ANKZF1: variants seen among roughly 807,000 people sequenced by gnomAD.
ANKZF1 encodes tRNA endonuclease ANKZF1.
Under a neutral mutation model 86.0 loss-of-function variants are expected in ANKZF1, and 84 were observed. The observed-to-expected ratio is 0.98, with a 90% CI of 0.82 to 1.17. ANKZF1 has a LOEUF of 1.17. Ranked by LOEUF, ANKZF1 falls within the 50% of genes most tolerant of loss-of-function variation. The probability of loss-of-function intolerance (pLI) is 0.00; values close to 1 mark genes in which losing one functional copy is unlikely to be tolerated. For missense variants in ANKZF1, 893 were observed against 918.4 expected, an observed-to-expected ratio of 0.97 and a Z score of 0.36; for synonymous variants, 331 against 354.2, an observed-to-expected ratio of 0.93 and a Z score of 0.74.
chr2:219,232,302 C>G lies in ANKZF1; in HGVS notation c.304C>G (p.Gln102Glu), dbSNP rs1209823499. 7.4e-6 allele frequency: 12 copies of G among 1,614,222 alleles called. No homozygotes were observed. Among genetic ancestry groups the G allele is most frequent in the Non-Finnish European group, 1.0e-5 (12 of 1,180,028 alleles). ...KLDWHRFNLK[Q>E]RLKDKPLLSA... Reference sequence around the variant, plus strand: ...TGACTGGCATCGGTTTAACCTAAAGCAACGTCTCAAGGACAAGCCTCTCCT... The same window carrying G: ...TGACTGGCATCGGTTTAACCTAAAGGAACGTCTCAAGGACAAGCCTCTCCT... The change falls in exon 4 of 14, where the codon CAA becomes GAA. Residue 102 changes from glutamine (Q) to glutamate (E), a missense_variant. Physicochemically the swap from Gln to Glu is conservative, Grantham distance 29 (BLOSUM62 2). Coordinates refer to ENST00000323348, the MANE Select transcript of ANKZF1 (RefSeq NM_018089.3).
At position 219,234,158 on chromosome 2, in the gene ANKZF1, A is replaced by C. The variant is rs747362901; in HGVS notation, c.1074A>C (p.Arg358Ser). 1.2e-5 allele frequency: 19 copies of C among 1,613,688 alleles called. No homozygotes were observed. The highest frequency in any genetic ancestry group is 1.6e-5 in the Non-Finnish European group (19 of 1,179,948). The change falls in exon 9 of 14, where the codon AGA becomes AGC. Residue 358 changes from arginine (R) to serine (S), a missense_variant. By Grantham distance (110) the Arg-to-Ser change is moderately radical. Coordinates refer to ENST00000323348, the MANE Select transcript of ANKZF1 (RefSeq NM_018089.3). ...AAGAAGACCCTCGGGAAGCAGTCAG[A>C]CTGCACTCACCTCAGACACACTGGA... ...VYEEDPREAV[R>S]LHSPQTHWKT...
intron 9 of ANKZF1, 127 bp from the exon 10 acceptor site, chr2:219,234,699 T>C: frequency 7.8e-7 from 1 of 1,282,236 alleles, no homozygotes; most frequent in Non-Finnish European, 1.1e-6. Flanking sequence ...GACTCAGCTC[T>C]TGATGTGCTA....
Position 219,235,825 on chromosome 2 carries a change from C to T in ANKZF1, c.1921C>T (p.Arg641Cys), listed in dbSNP as rs533560027. The T allele has an allele frequency of 3.7e-5, 59 of 1,614,174 alleles. No individual in the cohort carries two copies. In the East Asian group the frequency reaches 1.1e-3, roughly 29 times the overall value. ...GCAGAGGCAGCAGGAGCAGGAGGAG[C>T]GTGAACGAGAAGAGCAGCGGCGATT... is the stretch of plus-strand genomic sequence containing the variant. The part of the protein sequence containing the change: ...QQQRQQEQEE[R>C]EREEQRRFAA... Residue 641 changes from arginine (R) to cysteine (C), a missense_variant, in exon 12 of 14, where the codon CGT becomes TGT. Arg to Cys is a radical substitution (Grantham distance 180). Transcript: ENST00000323348.
rs928268061 is a variant in ANKZF1 at position 219,234,400 on chromosome 2, G to A, written c.1204+112G>A. 3.7e-5 allele frequency: 49 copies of A among 1,335,044 alleles called. No individual in the cohort carries two copies. In the Admixed American group the frequency reaches 7.1e-4, roughly 19 times the overall value. 82.7% of individuals were successfully genotyped at this position (1,335,044 alleles called of 1,614,324 possible). ...TTCCTTATTTAAACACACACCCACA[G>A]TGTCTATCTTAGCAATTACTGAGAC... On this transcript the variant is annotated intron_variant, in intron 9 of 13. Coordinates refer to ENST00000323348, the MANE Select transcript of ANKZF1 (RefSeq NM_018089.3).
In ANKZF1 at chr2:219,232,276, T is replaced by C. The variant is rs1233822137; in HGVS notation, c.278T>C (p.Leu93Pro). Residue 93 changes from leucine to proline, a missense_variant, in exon 4 of 14, where the codon CTT becomes CCT. Transcript: ENST00000323348. Reference protein sequence around the residue: ...NHQEQREHYKLDWHRFNLKQR... With the variant: ...NHQEQREHYKPDWHRFNLKQR... ...TTGTACTAGAGGGAACATTATAAGC[T>C]TGACTGGCATCGGTTTAACCTAAAG... 6.2e-7 allele frequency: 1 copy of C among 1,614,126 alleles called. No homozygotes were observed. The highest frequency in any genetic ancestry group is 1.3e-5 in the African/African-American group (1 of 74,952).
chr2:219,230,060 G>C, intron 1 of ANKZF1, 160 bp downstream of exon 1: 1 of 537,724 alleles, frequency 1.9e-6, no homozygotes, highest in Admixed American at 3.7e-5. Context: ...GGCTGAGACT[G>C]GGGGTTTGAG....
In ANKZF1 at chr2:219,233,954, G is replaced by T. The variant is rs1231331519; in HGVS notation, c.1048+11G>T. 2 of 1,555,652 alleles carry T rather than the reference G, an allele frequency of 1.3e-6. No individual in the cohort carries two copies. The highest frequency in any genetic ancestry group is 1.7e-6 in the Non-Finnish European group (2 of 1,153,424). ...CTTTGCATGTCTATGGTGAGCCTTT[G>T]CTCCAGATCCCAATTCCCTAGACCT... On this transcript the variant is annotated intron_variant, in intron 8 of 13. Transcript: ENST00000323348.
chr2:219,236,104 T>C lies in ANKZF1; in HGVS notation c.2057+9T>C. On this transcript the variant is annotated intron_variant, in intron 13 of 13. Coordinates refer to ENST00000323348, the MANE Select transcript of ANKZF1 (RefSeq NM_018089.3). ...GCAATCGTCAATACTCGGTATGGGG[T>C]GCGGGATGAGGGAGTGGGTGGACTG... The C allele has an allele frequency of 6.2e-7, 1 of 1,613,926 alleles. No homozygotes were observed. Among genetic ancestry groups the C allele is most frequent in the Non-Finnish European group, 8.5e-7 (1 of 1,179,976 alleles).
At position 219,230,234 on chromosome 2, in the gene ANKZF1, C is replaced by T. The variant is rs779314563; in HGVS notation, c.-24C>T. On this transcript the variant is annotated 5_prime_UTR_variant, in exon 2 of 14. Coordinates refer to ENST00000323348, the MANE Select transcript of ANKZF1 (RefSeq NM_018089.3). ...TACACGCTTTCTACTCCAGGAGCTG[C>T]TGCTAAATAATTTCTGCTCAGCCAT... 7 of 1,607,972 alleles carry T rather than the reference C, an allele frequency of 4.4e-6. No individual in the cohort carries two copies. In the South Asian group the frequency reaches 7.7e-5, roughly 18 times the overall value.
At chr2:219,235,352 A>T (rs1951176933) in intron 10 of ANKZF1, 40 bp downstream of exon 10, 1 of 1,598,296 alleles carries the variant, frequency 6.3e-7, no homozygotes, top group Non-Finnish European at 8.5e-7. Flanking sequence ...TTGGGTATAG[A>T]GAGGATAATT....
intron 7 of ANKZF1, 113 bp downstream of exon 7, chr2:219,233,546 T>A (rs1477244033): frequency 7.0e-7 from 1 of 1,432,088 alleles, no homozygotes; most frequent in Non-Finnish European, 9.3e-7. Flanking sequence ...ATTTTCATTA[T>A]AGGTAGACAA....
rs1259123335 is a variant in ANKZF1 at position 219,232,292 on chromosome 2, TAACCTAAAGC to T, written c.298_307del (p.Leu100ValfsTer52). ...ATTATAAGCTTGACTGGCATCGGTT[TAACCTAAAGC>T]AACGTCTCAAGGACAAGCCTCTCCT... On this transcript the variant is annotated frameshift_variant, in exon 4 of 14. Transcript: ENST00000323348. LOFTEE classifies it high-confidence loss of function. 11 of 1,614,222 alleles carry T rather than the reference TAACCTAAAGC, an allele frequency of 6.8e-6. No homozygotes were observed. Among genetic ancestry groups the T allele is most frequent in the Admixed American group, 1.7e-5 (1 of 60,014 alleles).
Position 219,236,636 on chromosome 2 carries a change from A to G in ANKZF1, c.*191A>G. ...CTGTCTCTGGAATTTTAATCACAATAAAGTTTGGCAAGGAATGTGTACTTG... is the reference window on the plus strand; with the variant it reads ...CTGTCTCTGGAATTTTAATCACAATGAAGTTTGGCAAGGAATGTGTACTTG... On this transcript the variant is annotated 3_prime_UTR_variant, in exon 14 of 14. Coordinates refer to ENST00000323348, the MANE Select transcript of ANKZF1 (RefSeq NM_018089.3). 1.3e-6 allele frequency: 1 copy of G among 764,474 alleles called. No individual in the cohort carries two copies. The highest frequency in any genetic ancestry group is 2.0e-6 in the Non-Finnish European group (1 of 503,562). The allele number at this position is 764,474 out of a possible 1,614,324, so 47.4% of individuals were successfully genotyped here. A position where few individuals can be genotyped will look rare whatever the true frequency, so the allele number is the denominator to read the frequency against.
rs780126594 is a variant in ANKZF1, at chr2:219,231,946, G to T, written c.167G>T (p.Ser56Ile). 1 of 1,614,026 alleles carries T rather than the reference G, an allele frequency of 6.2e-7. No individual in the cohort carries two copies. The highest frequency in any genetic ancestry group is 8.5e-7 in the Non-Finnish European group (1 of 1,179,978). ...TSCSGSGERE[S>I]PERKLLQGPM... The stretch of plus-strand genomic sequence containing the variant: ...TATTTAGGCTCAGGGGAGAGAGAAA[G>T]CCCAGAAAGAAAGCTACTCCAGGGT... Residue 56 changes from serine (S) to isoleucine (I), a missense_variant, in exon 3 of 14, where the codon AGC becomes ATC. Physicochemically the swap from Ser to Ile is moderately radical, Grantham distance 142 (BLOSUM62 -2). Coordinates refer to ENST00000323348, the MANE Select transcript of ANKZF1 (RefSeq NM_018089.3).
rs943958553 is a variant in ANKZF1 at position 219,229,875 on chromosome 2, G to C, written c.-56G>C. 5.4e-6 allele frequency: 1 copy of C among 184,934 alleles called. No homozygotes were observed. Among genetic ancestry groups the C allele is most frequent in the South Asian group, 9.5e-5 (1 of 10,488 alleles). 11.5% of individuals were successfully genotyped at this position (184,934 alleles called of 1,614,324 possible). A position where few individuals can be genotyped will look rare whatever the true frequency, so the allele number is the denominator to read the frequency against. ...TCCGGCAATCGACCTGAGGACTTGCGAGCCGCTCAGCTCCCGGGACGTTTG... is the reference window on the plus strand; with the variant it reads ...TCCGGCAATCGACCTGAGGACTTGCCAGCCGCTCAGCTCCCGGGACGTTTG... On this transcript the variant is annotated 5_prime_UTR_variant, in exon 1 of 14. Transcript: ENST00000323348. The surrounding 1 kb of genome is among the most constrained non-coding windows in gnomAD (Gnocchi z 4.2).
chr2:219,231,932 A>G lies in ANKZF1; in HGVS notation c.153A>G (p.Ser51=). The G allele has an allele frequency of 1.2e-6, 2 of 1,613,460 alleles. No homozygotes were observed. Among genetic ancestry groups the G allele is most frequent in the Non-Finnish European group, 1.7e-6 (2 of 1,179,566 alleles). The change falls in exon 3 of 14, where the codon TCA becomes TCG. Residue 51 remains serine (S), a synonymous_variant. Transcript: ENST00000323348. ...ARAPRTSCSG[S]GERESPERKL... ...AATTCCTCTTCCCTTATTTAGGCTCAGGGGAGAGAGAAAGCCCAGAAAGAA... is the reference window on the plus strand; with the variant it reads ...AATTCCTCTTCCCTTATTTAGGCTCGGGGGAGAGAGAAAGCCCAGAAAGAA...
In ANKZF1 at chr2:219,236,013, G is replaced by C. The variant is rs1179332873; in HGVS notation, c.1975G>C (p.Ala659Pro). Residue 659 changes from alanine (A) to proline (P), a missense_variant, in exon 13 of 14, where the codon GCT (alanine) becomes CCT (proline). Ala to Pro is a conservative substitution (Grantham distance 27). Transcript: ENST00000323348. ...FAALSDREKRALAAERRLAAQ... is the reference protein window; with the variant it reads ...FAALSDREKRPLAAERRLAAQ... ...TAACACAACTTGTCTCCCTCAGAGAGCTCTGGCTGCAGAGCGCCGACTCGC... is the reference window on the plus strand; with the variant it reads ...TAACACAACTTGTCTCCCTCAGAGACCTCTGGCTGCAGAGCGCCGACTCGC... 2 of 1,614,194 alleles carry C rather than the reference G, an allele frequency of 1.2e-6. No individual in the cohort carries two copies. Among genetic ancestry groups the C allele is most frequent in the African/African-American group, 1.3e-5 (1 of 75,054 alleles).
rs747053442 is a variant in ANKZF1 at position 219,236,315 on chromosome 2, T to C, written c.2058-7T>C. 3 of 1,613,888 alleles carry C rather than the reference T, an allele frequency of 1.9e-6. No individual in the cohort carries two copies. In the African/African-American group the frequency reaches 4.0e-5, roughly 22 times the overall value. ...CCTGTCCAGCCATTTTTCTTCCTCTTGTTCAGACGCTGCTGGAGTTGTGGG... is the reference window on the plus strand; with the variant it reads ...CCTGTCCAGCCATTTTTCTTCCTCTCGTTCAGACGCTGCTGGAGTTGTGGG... On this transcript the variant is annotated splice_region_variant and splice_polypyrimidine_tract_variant and intron_variant, in intron 13 of 13. Coordinates refer to ENST00000323348, the MANE Select transcript of ANKZF1 (RefSeq NM_018089.3).
Position 219,234,879 on chromosome 2 carries a change from T to C in ANKZF1, c.1258T>C (p.Leu420=). Residue 420 remains leucine, a synonymous_variant, in exon 10 of 14, where the codon TTG becomes CTG. Coordinates refer to ENST00000323348, the MANE Select transcript of ANKZF1 (RefSeq NM_018089.3). ...TCAGGTAGAGTTGGAGCTAGTGGAG[T>C]TGACTGTGGGGACTCTGGATCTTTG... is the stretch of plus-strand genomic sequence containing the variant. The part of the protein sequence containing the change: ...GFQVELELVE[L]TVGTLDLCES... 6.2e-7 allele frequency: 1 copy of C among 1,613,868 alleles called. No individual in the cohort carries two copies.
Sources: gnomAD v4.1 joint callset for allele counts on GRCh38, gnomAD v4.1.1 for gene constraint, Gnocchi (gnomAD v3.1) non-coding constraint, MANE v1.5 for transcripts, NCBI Gene and HGNC (gene_info 2026-07-23, HGNC 2026-07-21) for gene names.